SMIM21: variants seen among roughly 807,000 people sequenced by gnomAD.
SMIM21 encodes the protein small integral membrane protein 21.
SMIM21 carries 8 observed loss-of-function variants against 8.6 expected under a neutral mutation model. That is an observed-to-expected ratio of 0.93 (90% CI 0.55 to 1.68). The LOEUF (loss-of-function observed/expected upper bound fraction) is 1.68. Ranked by LOEUF, SMIM21 falls within the 40% of genes most tolerant of loss-of-function variation. The pLI is 0.00. For missense variants in SMIM21, 132 were observed against 123.0 expected (o/e 1.07, Z -0.35); for synonymous variants, 43 against 41.7 (o/e 1.03, Z -0.12).
At chr18:75,426,428 G>A (rs1279254770) in intron 1 of SMIM21, among the ~76,000 whole-genome samples, 1 of 151,800 alleles carries the variant, frequency 6.6e-6, no homozygotes, top group African/African-American at 2.4e-5. Context: ...TCCTGCCTCA[G>A]CCTCCCAAGT....
intron 1 of SMIM21, among the ~76,000 whole-genome samples, chr18:75,423,537 G>A (rs750200284): frequency 7.2e-5 from 11 of 152,252 alleles, no homozygotes; most frequent in Admixed American, 3.3e-4. Flanking sequence ...CAGCCAGGCC[G>A]TGAGGCCAGC....
intron 2 of SMIM21, among the ~76,000 whole-genome samples, chr18:75,411,468 C>T (rs1335752156): frequency 6.6e-6 from 1 of 152,214 alleles, no homozygotes. Context: ...AATGATGATC[C>T]TTGGAAGATG....
rs1001272136 is a variant in SMIM21 at position 75,411,795 on chromosome 18, T to C, written c.261-886A>G. On this transcript the variant is annotated intron_variant, in intron 2 of 2. Coordinates refer to ENST00000579022, the MANE Select transcript of SMIM21 (RefSeq NM_001037331.3). ...GAGGTTAGCAATTTTATTCATAGGA[T>C]TAATTTCATCCTACAAACTGCTGTG... Among the ~76,000 whole-genome samples the C allele has an allele frequency of 2.6e-5, 4 of 152,218 alleles. No homozygotes were observed. The East Asian group carries it at 5.8e-4, about 22-fold the overall frequency.
chr18:75,414,048 A>G (rs2024611957), intron 2 of SMIM21, among the ~76,000 whole-genome samples: 1 of 150,484 alleles, frequency 6.6e-6, no homozygotes, highest in Non-Finnish European at 1.5e-5. Context: ...TAGGATGATG[A>G]TGCCTAGGAG....
In SMIM21 at chr18:75,409,550, A is replaced by G. The variant is rs1266276003; in HGVS notation, c.*1314T>C. The G allele has an allele frequency of 2.0e-5, 3 of 152,236 alleles. No homozygotes were observed. Among genetic ancestry groups the G allele is most frequent in the African/African-American group, 7.2e-5 (3 of 41,464 alleles). The allele number at this position is 152,236 out of a possible 1,614,324, so 9.4% of individuals were successfully genotyped here. A position where few individuals can be genotyped will look rare whatever the true frequency, so the allele number is the denominator to read the frequency against. On this transcript the variant is annotated 3_prime_UTR_variant, in exon 3 of 3. Coordinates refer to ENST00000579022, the MANE Select transcript of SMIM21 (RefSeq NM_001037331.3). The stretch of plus-strand genomic sequence containing the variant: ...GCTGGTTTCTTTGTGAACACCATCC[A>G]TTCATTGTTGACCTCACTGGGTTCA...
chr18:75,419,160 A>G (rs1156715355), intron 1 of SMIM21: 4 of 283,904 alleles, frequency 1.4e-5, no homozygotes, highest in Non-Finnish European at 2.6e-5. Flanking sequence ...TTTAAGTATC[A>G]GTGTAAATTA....
intron 2 of SMIM21, among the ~76,000 whole-genome samples, chr18:75,411,304 A>G (rs2024581844): frequency 6.6e-6 from 1 of 152,260 alleles, no homozygotes; most frequent in African/African-American, 2.4e-5. Flanking sequence ...AAGCAGCACC[A>G]AAATAGTAGA....
chr18:75,418,576 T>A (rs1024897095), intron 2 of SMIM21, among the ~76,000 whole-genome samples: 1 of 152,230 alleles, frequency 6.6e-6, no homozygotes, highest in African/African-American at 2.4e-5. Flanking sequence ...GGCCCCGTGC[T>A]CTATCACGGA....
chr18:75,423,569 A>C (rs2024731183), intron 1 of SMIM21, among the ~76,000 whole-genome samples: 1 of 152,236 alleles, frequency 6.6e-6, no homozygotes, highest in African/African-American at 2.4e-5. Flanking sequence ...TGTAGCACAA[A>C]GAGATTTGGA....
At chr18:75,412,069 T>C (rs1269913166) in intron 2 of SMIM21, among the ~76,000 whole-genome samples, 1 of 152,222 alleles carries the variant, frequency 6.6e-6, no homozygotes, top group East Asian at 1.9e-4. Context: ...GTTCTTGGCA[T>C]AGAACATGGA....
chr18:75,417,486 C>T (rs2024659336), intron 2 of SMIM21: 1 of 152,118 alleles, frequency 6.6e-6, no homozygotes, highest in African/African-American at 2.4e-5. Flanking sequence ...ACTTTCCAGC[C>T]AACTCATTAA....
intron 2 of SMIM21, among the ~76,000 whole-genome samples, chr18:75,413,067 G>T (rs531820274): frequency 5.9e-5 from 9 of 152,074 alleles, no homozygotes; most frequent in South Asian, 2.1e-4. Context: ...TCAAAAACAT[G>T]CTGGCAGTCG....
At chr18:75,410,942 A>AT (rs749312633) in intron 2 of SMIM21, 33 bp from the exon 3 acceptor site, 15 of 1,611,326 alleles carry the variant, frequency 9.3e-6, no homozygotes, top group Admixed American at 1.7e-5. Context: ...AAAGCATTTT[A>AT]TTTTTTTGAT....
intron 2 of SMIM21, chr18:75,416,587 G>A (rs1003890551): frequency 6.6e-6 from 1 of 152,054 alleles, no homozygotes; most frequent in African/African-American, 2.4e-5. Context: ...TTTTCTTCCA[G>A]TATTCTTTGG....
intron 2 of SMIM21, among the ~76,000 whole-genome samples, chr18:75,414,514 G>A (rs2024623396): frequency 6.6e-6 from 1 of 152,148 alleles, no homozygotes; most frequent in Non-Finnish European, 1.5e-5. Flanking sequence ...GGAAGGGAAA[G>A]ATGGGTCAAG....
At chr18:75,419,045 G>A (rs1272427640) in intron 1 of SMIM21, 129 bp from the exon 2 acceptor site, 10 of 526,396 alleles carry the variant, frequency 1.9e-5, no homozygotes, top group South Asian at 8.0e-5. Flanking sequence ...ATTTAAGGTC[G>A]TGTTTCAGAA....
At chr18:75,416,212 A>G (rs777890236) in intron 2 of SMIM21, 4 of 152,242 alleles carry the variant, frequency 2.6e-5, no homozygotes, top group Non-Finnish European at 5.9e-5. Flanking sequence ...TGTTAACAAT[A>G]TATGACATGT....
intron 1 of SMIM21, among the ~76,000 whole-genome samples, chr18:75,426,298 TGTTTG>T (rs386805002): frequency 4.0e-5 from 6 of 150,736 alleles, no homozygotes; most frequent in Non-Finnish European, 7.4e-5. Flanking sequence ...TTTATTTGTT[TGTTTG>T]TTTGTTTGTT....
At chr18:75,410,991 T>C in intron 2 of SMIM21, 82 bp from the exon 3 acceptor site, 1 of 1,542,670 alleles carries the variant, frequency 6.5e-7, no homozygotes, top group East Asian at 2.4e-5. Flanking sequence ...TGACCATTTG[T>C]TTTTATCTAA....
Sources: gnomAD v4.1 joint callset for allele counts (sites outside exome capture counted in the v4.1 genomes callset) on GRCh38, gnomAD v4.1.1 for gene constraint, MANE v1.5 for transcripts, NCBI Gene and HGNC (gene_info 2026-07-23, HGNC 2026-07-21) for gene names.